The following BOLL variants were observed in gnomAD, a reference collection of about 807,000 sequenced individuals.
The protein encoded by BOLL is protein boule-like.
A neutral mutation model predicts 44.4 loss-of-function variants in BOLL; 23 were observed. That is an observed-to-expected ratio of 0.52 (90% CI 0.37 to 0.73). The LOEUF (loss-of-function observed/expected upper bound fraction) is 0.73, where lower values mean the gene tolerates loss of function less well. Ranked by LOEUF, BOLL falls within the 30% of genes least tolerant of loss-of-function variation. The pLI is 0.00. For missense variants in BOLL, 287 were observed against 338.3 expected (o/e 0.85, Z 1.19); for synonymous variants, 97 against 110.8 (o/e 0.88, Z 0.78).
intron 10 of BOLL, among the ~76,000 whole-genome samples, chr2:197,729,688 C>T (rs1036529134): frequency 5.3e-5 from 8 of 152,198 alleles, no homozygotes; most frequent in Non-Finnish European, 1.0e-4. Flanking sequence ...GGGAGGCACC[C>T]CCCACCAGGG....
chr2:197,756,640 G>T, intron 8 of BOLL, 84 bp from the exon 9 acceptor site: 1 of 1,305,634 alleles, frequency 7.7e-7, no homozygotes, highest in Non-Finnish European at 1.0e-6. Flanking sequence ...GATGAGAGAA[G>T]TACTTGTTTT....
chr2:197,754,295 T>C (rs1002283693), intron 9 of BOLL, among the ~76,000 whole-genome samples: 2 of 151,908 alleles, frequency 1.3e-5, no homozygotes, highest in African/African-American at 4.8e-5. Context: ...TAAAAAAAAA[T>C]GGTCCTGGGA....
At chr2:197,739,171 A>T (rs1373456429) in intron 10 of BOLL, among the ~76,000 whole-genome samples, 1 of 152,182 alleles carries the variant, frequency 6.6e-6, no homozygotes, top group African/African-American at 2.4e-5. Context: ...GAGAAACACA[A>T]AATTCTACAT....
chr2:197,750,164 GA>G (rs978074054), intron 9 of BOLL, among the ~76,000 whole-genome samples: 3 of 152,094 alleles, frequency 2.0e-5, no homozygotes, highest in Non-Finnish European at 2.9e-5. Context: ...ATATGGAAAG[GA>G]AAAACCAGTA....
At chr2:197,773,882 T>C (rs1482564783) in intron 5 of BOLL, 2 of 304,596 alleles carry the variant, frequency 6.6e-6, no homozygotes, top group Non-Finnish European at 1.4e-5. Context: ...TTCCAGGAAT[T>C]AAGGTAAACA....
chr2:197,734,303 T>G (rs1259813131), intron 10 of BOLL, among the ~76,000 whole-genome samples: 1 of 151,834 alleles, frequency 6.6e-6, no homozygotes, highest in Non-Finnish European at 1.5e-5. Flanking sequence ...CATTAAAAAG[T>G]CAGGAAACAA....
chr2:197,763,222 C>G (rs567127613), intron 7 of BOLL, among the ~76,000 whole-genome samples: 1 of 152,248 alleles, frequency 6.6e-6, no homozygotes, highest in South Asian at 2.1e-4. Context: ...GTGGCTGACG[C>G]CTGTAATCCC....
intron 3 of BOLL, among the ~76,000 whole-genome samples, chr2:197,778,771 T>C (rs1339047598): frequency 4.0e-5 from 6 of 150,292 alleles, no homozygotes; most frequent in South Asian, 2.1e-4. Flanking sequence ...TCTCAACAAA[T>C]TAAGAAATAT....
Position 197,771,989 on chromosome 2 carries a change from C to A in BOLL, c.353-7G>T. 1 of 1,549,698 alleles carries A rather than the reference C, an allele frequency of 6.5e-7. No homozygotes were observed. ...GCTGGCATTATACTAGAACCTAAAG[C>A]AAAGATTAAATAATAATAATTGAAA... On this transcript the variant is annotated splice_region_variant and splice_polypyrimidine_tract_variant and intron_variant, in intron 5 of 10. Transcript: ENST00000392296.
chr2:197,760,236 G>A (rs1304295257), intron 7 of BOLL, among the ~76,000 whole-genome samples: 4 of 152,118 alleles, frequency 2.6e-5, no homozygotes, highest in African/African-American at 4.8e-5. Flanking sequence ...AAATAGCTCC[G>A]TGGGCCACCC....
chr2:197,768,698 T>TA (rs1465389719), intron 6 of BOLL, among the ~76,000 whole-genome samples: 2 of 149,616 alleles, frequency 1.3e-5, no homozygotes, highest in Non-Finnish European at 3.0e-5. Flanking sequence ...ATTCTTGTAG[T>TA]AAAAAACAAA....
chr2:197,763,127 G>A (rs564854765), intron 7 of BOLL, among the ~76,000 whole-genome samples: 86 of 152,240 alleles, frequency 5.6e-4, no homozygotes, highest in African/African-American at 1.9e-3. Context: ...TAGAAGAAAC[G>A]GATAAATTCC....
chr2:197,739,730 T>C (rs1482409825), intron 10 of BOLL, among the ~76,000 whole-genome samples: 2 of 152,300 alleles, frequency 1.3e-5, no homozygotes, highest in East Asian at 1.9e-4. Flanking sequence ...TAGAGAAATA[T>C]ATACTCTTAA....
At chr2:197,748,065 A>C (rs1251746508) in intron 9 of BOLL, among the ~76,000 whole-genome samples, 2 of 152,132 alleles carry the variant, frequency 1.3e-5, no homozygotes, top group Non-Finnish European at 2.9e-5. Flanking sequence ...TCTCACTGGG[A>C]CTGGTTAGAC....
intron 9 of BOLL, among the ~76,000 whole-genome samples, chr2:197,754,344 C>T (rs1021805511): frequency 3.9e-5 from 6 of 152,016 alleles, no homozygotes; most frequent in African/African-American, 1.4e-4. Flanking sequence ...AAACTGGACC[C>T]GTTCCTTACA....
intron 10 of BOLL, among the ~76,000 whole-genome samples, chr2:197,728,929 A>AT (rs1480784953): frequency 6.6e-6 from 1 of 152,170 alleles, no homozygotes; most frequent in Non-Finnish European, 1.5e-5. Context: ...GGGGAATAGT[A>AT]TTTTTGGCAG....
At chr2:197,782,001 A>G (rs1336717512) in intron 1 of BOLL, 136 bp from the exon 2 acceptor site, 3 of 590,496 alleles carry the variant, frequency 5.1e-6, no homozygotes, top group Admixed American at 4.1e-5. Flanking sequence ...TACTTTTAAT[A>G]TTATAAAAAT....
In BOLL at chr2:197,779,040, A is replaced by G; in HGVS notation, c.156T>C (p.Phe52=). The change falls in exon 3 of 11, where the codon TTT becomes TTC. Residue 52 remains phenylalanine, a synonymous_variant. Transcript: ENST00000392296. ...FKTNESDLRK[F]FSQYGSVKEV... is the part of the protein sequence containing the mutation. Reference sequence around the variant, plus strand: ...CTTTCACAGACCCATACTGGGAAAAAAATTTTCTTAAATCACTTTCGTTTG... The same window carrying G: ...CTTTCACAGACCCATACTGGGAAAAGAATTTTCTTAAATCACTTTCGTTTG... The G allele has an allele frequency of 1.2e-6, 2 of 1,610,804 alleles. No individual in the cohort carries two copies. The highest frequency in any genetic ancestry group is 1.1e-5 in the South Asian group (1 of 90,860).
chr2:197,749,821 T>G (rs1210284687), intron 9 of BOLL, among the ~76,000 whole-genome samples: 1 of 152,048 alleles, frequency 6.6e-6, no homozygotes, highest in Non-Finnish European at 1.5e-5. Flanking sequence ...CTCAGGATAT[T>G]ATCCAGGAGA....
Sources: gnomAD v4.1 joint callset for allele counts (sites outside exome capture counted in the v4.1 genomes callset) on GRCh38, gnomAD v4.1.1 for gene constraint, MANE v1.5 for transcripts, NCBI Gene and HGNC (gene_info 2026-07-23, HGNC 2026-07-21) for gene names.